Variants in DOCK4 observed in about 807,000 individuals in gnomAD.
DOCK4 encodes dedicator of cytokinesis 4.
In DOCK4, 97 loss-of-function variants were observed where a neutral mutation model predicts 268.1. That is an observed-to-expected ratio of 0.36 (90% CI 0.31 to 0.43). The LOEUF (loss-of-function observed/expected upper bound fraction) is 0.43, where lower values mean the gene tolerates loss of function less well. Among genes scored for constraint, DOCK4 ranks in the 20% least tolerant of loss-of-function variants. DOCK4 has a pLI of 1.00. For synonymous variants in DOCK4, 954 were observed against 887.2 expected, an observed-to-expected ratio of 1.08 and a Z score of -1.34; for missense variants, 2,145 against 2,455.7, an observed-to-expected ratio of 0.87 and a Z score of 2.67.
intron 1 of DOCK4, among the ~76,000 whole-genome samples, chr7:112,151,871 G>T (rs1001505760): frequency 6.6e-6 from 1 of 151,304 alleles, no homozygotes; most frequent in African/African-American, 2.4e-5. Context: ...CCTGTGCCTG[G>T]CTTTAGATTC....
intron 24 of DOCK4, among the ~76,000 whole-genome samples, chr7:111,845,365 T>C (rs1373275268): frequency 6.6e-6 from 1 of 152,226 alleles, no homozygotes; most frequent in African/African-American, 2.4e-5. Flanking sequence ...AAAAATGATT[T>C]TTAAAAATCT....
intron 36 of DOCK4, among the ~76,000 whole-genome samples, chr7:111,774,109 T>G (rs1798298590): frequency 6.6e-6 from 1 of 152,166 alleles, no homozygotes; most frequent in African/African-American, 2.4e-5. Context: ...TGCATGTACA[T>G]ACACAATATA....
chr7:111,762,812 G>GGCT (rs1365470291), intron 39 of DOCK4, among the ~76,000 whole-genome samples: 316 of 99,784 alleles, frequency 3.2e-3, no homozygotes, highest in Non-Finnish European at 3.7e-3. Context: ...CTGTCACCCA[G>GGCT]GCTGGAGTGC....
chr7:111,769,081 T>G (rs1285219683), intron 37 of DOCK4, among the ~76,000 whole-genome samples: 1 of 152,204 alleles, frequency 6.6e-6, no homozygotes, highest in African/African-American at 2.4e-5. Context: ...GCCAGGGCCT[T>G]GATCTTGAAC....
At chr7:112,131,177 A>G (rs1382531442) in intron 1 of DOCK4, among the ~76,000 whole-genome samples, 2 of 152,170 alleles carry the variant, frequency 1.3e-5, no homozygotes, top group Non-Finnish European at 2.9e-5. Context: ...ACAGCATGAG[A>G]TACATGCTGC....
intron 32 of DOCK4, 124 bp downstream of exon 32, chr7:111,788,538 G>T: frequency 1.3e-6 from 1 of 751,310 alleles, no homozygotes; most frequent in Non-Finnish European, 2.3e-6. Flanking sequence ...ACTCCACAAA[G>T]ACAAAGCCCT....
chr7:111,985,440 C>T (rs1798977849), intron 6 of DOCK4, among the ~76,000 whole-genome samples: 1 of 152,154 alleles, frequency 6.6e-6, no homozygotes, highest in Non-Finnish European at 1.5e-5. Context: ...ATCACACTTC[C>T]AATTATAGAA....
At chr7:111,750,324 G>GTAAT (rs1434873359) in intron 42 of DOCK4, among the ~76,000 whole-genome samples, 1 of 152,170 alleles carries the variant, frequency 6.6e-6, no homozygotes, top group Non-Finnish European at 1.5e-5. Flanking sequence ...CAGACTAAAA[G>GTAAT]TAATTGCTAG....
chr7:111,926,980 CTTGGT>C lies in DOCK4; in HGVS notation c.1066+8555_1066+8559del, dbSNP rs569945139. Among the ~76,000 whole-genome samples the C allele has an allele frequency of 1.7e-3, 261 of 152,142 alleles. 1 individual carries two copies. The highest frequency in any genetic ancestry group is 6.0e-3 in the African/African-American group (250 of 41,510). The stretch of plus-strand genomic sequence containing the variant: ...CACTTTTATTTCTTAATAGTCATAC[CTTGGT>C]TTCTGAGTTTTAGCCAGTATTGTTC... On this transcript the variant is annotated intron_variant, in intron 12 of 52. Transcript: ENST00000428084.
intron 25 of DOCK4, among the ~76,000 whole-genome samples, chr7:111,844,371 GA>G (rs1470507729): frequency 6.6e-6 from 1 of 152,198 alleles, no homozygotes; most frequent in Non-Finnish European, 1.5e-5. Context: ...TAGTCAGAGT[GA>G]AAAATTTGGA....
At chr7:111,796,744 C>T (rs942014222) in intron 30 of DOCK4, among the ~76,000 whole-genome samples, 3 of 152,198 alleles carry the variant, frequency 2.0e-5, no homozygotes, top group Non-Finnish European at 4.4e-5. Flanking sequence ...AAAGGCAACA[C>T]AGGCTCTCCA....
chr7:111,865,177 G>A (rs936892704), intron 22 of DOCK4, among the ~76,000 whole-genome samples: 1 of 152,218 alleles, frequency 6.6e-6, no homozygotes, highest in Admixed American at 6.5e-5. Flanking sequence ...TCTTCTTTTA[G>A]GGATCATGGG....
At chr7:112,121,627 G>T (rs1384294676) in intron 1 of DOCK4, among the ~76,000 whole-genome samples, 1 of 152,176 alleles carries the variant, frequency 6.6e-6, no homozygotes, top group Non-Finnish European at 1.5e-5. Flanking sequence ...TAATGTGAGA[G>T]AGAATAGCAA....
intron 2 of DOCK4, among the ~76,000 whole-genome samples, chr7:112,000,878 T>A (rs2135294999): frequency 6.6e-6 from 1 of 152,316 alleles, no homozygotes; most frequent in Non-Finnish European, 1.5e-5. Context: ...CATCTCTGAG[T>A]ACCACTTCTT....
chr7:111,741,314 G>A (rs972790229), intron 46 of DOCK4, 100 bp from the exon 47 acceptor site: 16 of 1,505,730 alleles, frequency 1.1e-5, no homozygotes, highest in African/African-American at 2.8e-5. Context: ...AATACATTCC[G>A]TTTTGTTTTC....
chr7:111,752,848 G>C (rs1033231394), intron 42 of DOCK4, among the ~76,000 whole-genome samples: 1 of 151,718 alleles, frequency 6.6e-6, no homozygotes, highest in Non-Finnish European at 1.5e-5. Flanking sequence ...TCAGCCTCCC[G>C]AAGTGCTGGG....
intron 30 of DOCK4, among the ~76,000 whole-genome samples, chr7:111,805,993 A>G (rs1008603): frequency 0.07 from 10,672 of 152,252 alleles, 1,272 homozygotes; most frequent in African/African-American, 0.24. Flanking sequence ...GTCATAGTTC[A>G]AACTAAATTG....
intron 1 of DOCK4, among the ~76,000 whole-genome samples, chr7:112,162,920 C>G (rs545378491): frequency 5.3e-5 from 8 of 152,146 alleles, no homozygotes; most frequent in Non-Finnish European, 1.0e-4. Flanking sequence ...AGTAAATAGG[C>G]AGACACTTCT....
intron 12 of DOCK4, among the ~76,000 whole-genome samples, chr7:111,927,759 G>A (rs780400118): frequency 4.6e-5 from 7 of 152,108 alleles, no homozygotes; most frequent in Non-Finnish European, 1.0e-4. Context: ...CATAGTGATG[G>A]GGTTCAGGAC....
Sources: gnomAD v4.1 joint callset for allele counts (sites outside exome capture counted in the v4.1 genomes callset) on GRCh38, gnomAD v4.1.1 for gene constraint, MANE v1.5 for transcripts, NCBI Gene and HGNC (gene_info 2026-07-23, HGNC 2026-07-21) for gene names.